Variants in PTK2B observed in about 807,000 individuals in gnomAD.
The protein encoded by PTK2B is protein tyrosine kinase 2 beta.
A neutral mutation model predicts 142.9 loss-of-function variants in PTK2B; 71 were observed. The ratio of observed to expected loss-of-function variants is 0.50; its 90% CI spans 0.41 to 0.61. PTK2B has a LOEUF of 0.61. Ranked by LOEUF, PTK2B falls within the 20% of genes least tolerant of loss-of-function variation. The pLI is 0.00. For synonymous variants in PTK2B, 519 were observed against 503.4 expected (o/e 1.03, Z -0.42); for missense variants, 1,105 against 1,320.4 (o/e 0.84, Z 2.53).
chr8:27,345,151 ACT>A (rs1804640749), intron 1 of PTK2B, among the ~76,000 whole-genome samples: 1 of 152,094 alleles, frequency 6.6e-6, no homozygotes, highest in African/African-American at 2.4e-5. Context: ...AGACAGTGAG[ACT>A]CTGTCTCAAA....
In PTK2B at chr8:27,430,868, T is replaced by A; in HGVS notation, c.670-8T>A. The A allele has an allele frequency of 1.9e-6, 3 of 1,612,698 alleles. No individual in the cohort carries two copies. Among genetic ancestry groups the A allele is most frequent in the Non-Finnish European group, 2.5e-6 (3 of 1,179,234 alleles). On this transcript the variant is annotated splice_region_variant and splice_polypyrimidine_tract_variant and intron_variant, in intron 7 of 30. Coordinates refer to ENST00000346049, the MANE Select transcript of PTK2B (RefSeq NM_173176.3). ...GGCATTGCTCACACGGCCCATCCCCTCCCCCAGCCCAAACAGTTCCGGAAG... is the reference window on the plus strand; with the variant it reads ...GGCATTGCTCACACGGCCCATCCCCACCCCCAGCCCAAACAGTTCCGGAAG...
intron 1 of PTK2B, among the ~76,000 whole-genome samples, chr8:27,391,877 T>A (rs1307599535): frequency 6.6e-6 from 1 of 152,200 alleles, no homozygotes; most frequent in Non-Finnish European, 1.5e-5. Flanking sequence ...TGTGGCAGAT[T>A]TGGGGGCCAG....
At chr8:27,343,608 G>A (rs1443337918) in intron 1 of PTK2B, among the ~76,000 whole-genome samples, 2 of 152,178 alleles carry the variant, frequency 1.3e-5, no homozygotes, top group African/African-American at 4.8e-5. Context: ...GCCAGTCTCA[G>A]CCCAATGCCA....
intron 1 of PTK2B, among the ~76,000 whole-genome samples, chr8:27,362,238 GGGCCT>G (rs1805753126): frequency 6.6e-6 from 1 of 152,144 alleles, no homozygotes; most frequent in South Asian, 2.1e-4. Flanking sequence ...GCACTTTCCG[GGGCCT>G]CCCCTTCTCT....
In PTK2B at chr8:27,431,413, A is replaced by T. The variant is rs1363906323; in HGVS notation, c.826A>T (p.Thr276Ser). ...TTTATTCCAGCAAGGATGGAACATT[A>T]CTGTGGACCTGGTCATTGGCCCTAA... is the stretch of plus-strand genomic sequence containing the variant. Reference protein sequence around the residue: ...RCELIQGWNITVDLVIGPKGI... With the variant: ...RCELIQGWNISVDLVIGPKGI... The change falls in exon 9 of 31, where the codon ACT (threonine) becomes TCT (serine). Residue 276 changes from threonine to serine, a missense_variant. Transcript: ENST00000346049. 6.2e-7 allele frequency: 1 copy of T among 1,614,198 alleles called. No homozygotes were observed. The highest frequency in any genetic ancestry group is 1.1e-5 in the South Asian group (1 of 91,084).
intron 1 of PTK2B, among the ~76,000 whole-genome samples, chr8:27,390,370 C>T (rs1202457382): frequency 6.6e-6 from 1 of 152,124 alleles, no homozygotes; most frequent in Non-Finnish European, 1.5e-5. Context: ...CATGGTGGCT[C>T]ATACCTGTAA....
At chr8:27,430,222 C>A (rs1810324066) in intron 6 of PTK2B, 67 bp downstream of exon 6, 3 of 1,579,478 alleles carry the variant, frequency 1.9e-6, no homozygotes, top group Non-Finnish European at 2.6e-6. Context: ...CCTCCTCACC[C>A]TCTCCTCCAC....
chr8:27,406,592 T>TG (rs1808726314), intron 2 of PTK2B, among the ~76,000 whole-genome samples: 1 of 152,128 alleles, frequency 6.6e-6, no homozygotes, highest in Non-Finnish European at 1.5e-5. Context: ...CTCCTGGAAG[T>TG]TGGCAGCGGG....
rs1462839079 is a variant in PTK2B at position 27,343,180 on chromosome 8, C to G, written c.-38+17499C>G. Among the ~76,000 whole-genome samples, 4 of 152,338 alleles carry G rather than the reference C, an allele frequency of 2.6e-5. No individual in the cohort carries two copies. In the South Asian group the frequency reaches 8.3e-4, roughly 32 times the overall value. On this transcript the variant is annotated intron_variant, in intron 1 of 30. Transcript: ENST00000346049. ...ACATCCAAGTCAGCCTCAGGAATTT[C>G]ATTTTATGATTGATCCTTCTTTGTT...
At chr8:27,445,535 G>A (rs1811412912) in intron 23 of PTK2B, among the ~76,000 whole-genome samples, 1 of 152,178 alleles carries the variant, frequency 6.6e-6, no homozygotes, top group Non-Finnish European at 1.5e-5. Context: ...CCTGGTCTCA[G>A]TGGGTCCGTA....
At chr8:27,322,917 C>G (rs1224075850), upstream of PTK2B, 1 of 152,278 alleles carries the variant, frequency 6.6e-6, no homozygotes, top group Non-Finnish European at 1.5e-5. Flanking sequence ...TACTTATCAG[C>G]CCACCCCACT....
rs139647280 is a variant in PTK2B at position 27,351,384 on chromosome 8, G to T, written c.-38+25703G>T. 2.2e-3 allele frequency among the ~76,000 whole-genome samples: 341 copies of T among 151,942 alleles called. 8 individuals are homozygous for T. The highest frequency in any genetic ancestry group is 5.7e-3 in the Admixed American group (87 of 15,266). On this transcript the variant is annotated intron_variant, in intron 1 of 30. Coordinates refer to ENST00000346049, the MANE Select transcript of PTK2B (RefSeq NM_173176.3). Reference sequence around the variant, plus strand: ...AAATGGTCTCCAAGATGTTAGAAGTGATTAATCTGGGATTGTAGAAATGTT... The same window carrying T: ...AAATGGTCTCCAAGATGTTAGAAGTTATTAATCTGGGATTGTAGAAATGTT...
intron 2 of PTK2B, among the ~76,000 whole-genome samples, chr8:27,400,106 A>G (rs1808281591): frequency 6.6e-6 from 1 of 152,234 alleles, no homozygotes; most frequent in Non-Finnish European, 1.5e-5. Flanking sequence ...ATTTTCAAAT[A>G]AAGAAGTAAT....
At chr8:27,353,996 G>A (rs1805254201) in intron 1 of PTK2B, among the ~76,000 whole-genome samples, 1 of 152,154 alleles carries the variant, frequency 6.6e-6, no homozygotes, top group South Asian at 2.1e-4. Flanking sequence ...CTGAACTCAG[G>A]TGTGGTGGGA....
chr8:27,346,132 A>G (rs1373022486), intron 1 of PTK2B, among the ~76,000 whole-genome samples: 2 of 152,216 alleles, frequency 1.3e-5, no homozygotes, highest in African/African-American at 2.4e-5. Flanking sequence ...ACTATGGCAT[A>G]TGTTACAGGT....
chr8:27,397,816 T>C (rs1808154956), intron 2 of PTK2B, 28 bp downstream of exon 2: 2 of 1,608,794 alleles, frequency 1.2e-6, no homozygotes, highest in South Asian at 1.1e-5. Context: ...GCCCTGTCCA[T>C]CTGTCTGTCC....
intron 1 of PTK2B, among the ~76,000 whole-genome samples, chr8:27,387,499 C>T (rs1306852650): frequency 2.0e-5 from 3 of 152,222 alleles, no homozygotes; most frequent in East Asian, 1.9e-4. Flanking sequence ...ATCCATCCTG[C>T]GTTCCCATGA....
Position 27,437,868 on chromosome 8 carries a change from A to C in PTK2B, c.1631A>C (p.Asn544Thr), listed in dbSNP as rs151100763. Reference protein sequence around the residue: ...CKAMAYLESINCVHRDIAVRN... With the variant: ...CKAMAYLESITCVHRDIAVRN... ...GCCATGGCCTACCTGGAGAGCATCA[A>C]CTGCGTGCACAGGTAGGGGTGGAGG... is the stretch of plus-strand genomic sequence containing the variant. Residue 544 changes from asparagine (N) to threonine (T), a missense_variant, in exon 18 of 31, where the codon AAC (asparagine) becomes ACC (threonine). Coordinates refer to ENST00000346049, the MANE Select transcript of PTK2B (RefSeq NM_173176.3). 1.2e-6 allele frequency: 2 copies of C among 1,611,456 alleles called. No homozygotes were observed. The highest frequency in any genetic ancestry group is 2.2e-5 in the South Asian group (2 of 90,212).
intron 2 of PTK2B, among the ~76,000 whole-genome samples, chr8:27,409,624 C>T (rs985425933): frequency 4.6e-5 from 7 of 152,146 alleles, no homozygotes; most frequent in Admixed American, 2.0e-4. Context: ...TCTGATTGTA[C>T]AGAAAATGAG....
Sources: allele counts gnomAD v4.1 joint callset (sites outside exome capture counted in the v4.1 genomes callset), GRCh38; gene constraint gnomAD v4.1.1; transcripts MANE v1.5; gene names NCBI Gene and HGNC (gene_info 2026-07-23, HGNC 2026-07-21).